TMCC1: variants seen among roughly 807,000 people sequenced by gnomAD.
The protein encoded by TMCC1 is transmembrane and coiled-coil domain family 1.
In TMCC1, 15 loss-of-function variants were observed where a neutral mutation model predicts 52.4. That is an observed-to-expected ratio of 0.29 (90% CI 0.19 to 0.44). The LOEUF is 0.44. Among genes scored for constraint, TMCC1 ranks in the 20% least tolerant of loss-of-function variants. The probability of loss-of-function intolerance (pLI) is 1.00; values close to 1 mark genes in which losing one functional copy is unlikely to be tolerated. For synonymous variants in TMCC1, 279 were observed against 301.9 expected (o/e 0.92, Z 0.79); for missense variants, 503 against 806.0 (o/e 0.62, Z 4.55).
At chr3:129,721,825 G>A (rs1024123954) in intron 4 of TMCC1, among the ~76,000 whole-genome samples, 8 of 152,018 alleles carry the variant, frequency 5.3e-5, no homozygotes, top group Non-Finnish European at 8.8e-5. Flanking sequence ...GCAGTGAGCC[G>A]AGATGGCGCC....
At chr3:129,834,742 G>A (rs376053645) in intron 2 of TMCC1, among the ~76,000 whole-genome samples, 20 of 152,130 alleles carry the variant, frequency 1.3e-4, no homozygotes, top group East Asian at 5.8e-4. Flanking sequence ...AGGAATGAGC[G>A]CACAAAGTAC....
chr3:129,747,385 C>A (rs1308917486), intron 4 of TMCC1, among the ~76,000 whole-genome samples: 1 of 152,162 alleles, frequency 6.6e-6, no homozygotes, highest in Non-Finnish European at 1.5e-5. Context: ...GGAGTATATA[C>A]ATAATATTTG....
In TMCC1 at chr3:129,671,140, A is replaced by G. The variant is rs1213224501; in HGVS notation, c.701T>C (p.Ile234Thr). ...CAGGATCTTCTGCTGCAGGTGAGCAATGGCAGCCTTTGTGCGCTGAGGGTC... is the reference window on the plus strand; with the variant it reads ...CAGGATCTTCTGCTGCAGGTGAGCAGTGGCAGCCTTTGTGCGCTGAGGGTC... The part of the protein sequence containing the change: ...TPDPQRTKAA[I>T]AHLQQKILKL... Residue 234 changes from isoleucine (I) to threonine (T), a missense_variant, in exon 5 of 7, where the codon ATT becomes ACT. Ile to Thr is a moderately conservative substitution (Grantham distance 89). Around this residue, in one of 7 missense-constraint regions of TMCC1, gnomAD observed 217 missense variants for 297.9 expected, o/e 0.73. Transcript: ENST00000393238. The G allele has an allele frequency of 6.2e-7, 1 of 1,614,134 alleles. No homozygotes were observed. The highest frequency in any genetic ancestry group is 8.5e-7 in the Non-Finnish European group (1 of 1,180,018).
chr3:129,736,331 G>A (rs2050958754), intron 4 of TMCC1, among the ~76,000 whole-genome samples: 1 of 152,164 alleles, frequency 6.6e-6, no homozygotes, highest in Admixed American at 6.5e-5. Flanking sequence ...CTACACTGTA[G>A]AGTCACTCAG....
chr3:129,828,522 CA>C lies in TMCC1; in HGVS notation c.-130-15del. The C allele has an allele frequency of 1.7e-6, 1 of 585,294 alleles. No individual in the cohort carries two copies. The highest frequency in any genetic ancestry group is 2.9e-6 in the Non-Finnish European group (1 of 350,018). The allele number at this position is 585,294 out of a possible 1,614,324, so 36.3% of individuals were successfully genotyped here. A position where few individuals can be genotyped will look rare whatever the true frequency, so the allele number is the denominator to read the frequency against. On this transcript the variant is annotated splice_polypyrimidine_tract_variant and intron_variant, in intron 3 of 6. Coordinates refer to ENST00000393238, the MANE Select transcript of TMCC1 (RefSeq NM_001017395.5). The surrounding 1 kb of genome is among the most constrained non-coding windows in gnomAD (Gnocchi z 4.1). ...CTTCATGCCTATCTAATGTTAAAAA[CA>C]AAAAAACAAAAAAACAAAAAAAAAA... is the stretch of plus-strand genomic sequence containing the variant.
chr3:129,670,932 G>A lies in TMCC1; in HGVS notation c.909C>T (p.His303=), dbSNP rs1440910459. The A allele has an allele frequency of 3.1e-6, 5 of 1,614,208 alleles. No homozygotes were observed. The highest frequency in any genetic ancestry group is 4.2e-6 in the Non-Finnish European group (5 of 1,180,038). Residue 303 remains histidine (H), a synonymous_variant, in exon 5 of 7, where the codon CAC becomes CAT. Transcript: ENST00000393238. ...LQLQKKLEHY[H]RKLREVEQNG... ...TCTGCTCTACCTCTCTGAGCTTCCT[G>A]TGGTAGTGCTCAAGTTTCTTTTGCA...
In TMCC1 at chr3:129,651,739, C is replaced by T; in HGVS notation, c.1704G>A (p.Gln568=). ...GCCCTTCTAGCTGCACCACCTGCTGCTGCTGCTGCTGCAGCTCCATCTTGG... is the reference window on the plus strand; with the variant it reads ...GCCCTTCTAGCTGCACCACCTGCTGTTGCTGCTGCTGCAGCTCCATCTTGG... ...RISKMELQQQ[Q]QQVVQLEGLE... Residue 568 remains glutamine (Q), a synonymous_variant, in exon 7 of 7, where the codon CAG becomes CAA. Transcript: ENST00000393238. The surrounding 1 kb of genome is among the most constrained non-coding windows in gnomAD (Gnocchi z 5.1). The T allele has an allele frequency of 6.2e-7, 1 of 1,614,154 alleles. No homozygotes were observed. Among genetic ancestry groups the T allele is most frequent in the Non-Finnish European group, 8.5e-7 (1 of 1,179,998 alleles).
chr3:129,846,775 T>C (rs2059682965), intron 2 of TMCC1, among the ~76,000 whole-genome samples: 1 of 143,482 alleles, frequency 7.0e-6, no homozygotes. Flanking sequence ...AAGCCCATAA[T>C]CCCAGCACTT....
At chr3:129,865,584 T>C (rs565755988) in intron 2 of TMCC1, among the ~76,000 whole-genome samples, 1 of 152,214 alleles carries the variant, frequency 6.6e-6, no homozygotes, top group East Asian at 1.9e-4. Flanking sequence ...GAGCAGAAAA[T>C]TGATCTTATT....
chr3:129,742,135 TG>T lies in TMCC1; in HGVS notation c.577-70872del, dbSNP rs1370050214. On this transcript the variant is annotated intron_variant, in intron 4 of 6. Coordinates refer to ENST00000393238, the MANE Select transcript of TMCC1 (RefSeq NM_001017395.5). ...TGTGACCTTGAATAGTCAATGAGTCTGTTTGTGTTTTTTTCCTGGTCCTTGA... is the reference window on the plus strand; with the variant it reads ...TGTGACCTTGAATAGTCAATGAGTCTTTTGTGTTTTTTTCCTGGTCCTTGA... 2.0e-5 allele frequency among the ~76,000 whole-genome samples: 3 copies of T among 152,284 alleles called. No individual in the cohort carries two copies. In the East Asian group the frequency reaches 5.8e-4, roughly 29 times the overall value.
intron 4 of TMCC1, chr3:129,688,666 A>G (rs2089588934): frequency 3.0e-6 from 3 of 985,358 alleles, no homozygotes; most frequent in Admixed American, 6.1e-5. Context: ...ATAAACAGAA[A>G]GCTTCTGCCA....
chr3:129,747,625 A>G (rs1297539367), intron 4 of TMCC1, among the ~76,000 whole-genome samples: 1 of 152,020 alleles, frequency 6.6e-6, no homozygotes, highest in African/African-American at 2.4e-5. Context: ...CTCTCCTTCC[A>G]TATGTAACCA....
At chr3:129,733,863 T>A (rs2050731995) in intron 4 of TMCC1, among the ~76,000 whole-genome samples, 1 of 152,156 alleles carries the variant, frequency 6.6e-6, no homozygotes. Context: ...AGAAAGAAAC[T>A]GTGTAGATAG....
At chr3:129,761,096 C>A (rs967916633) in intron 4 of TMCC1, among the ~76,000 whole-genome samples, 2 of 151,730 alleles carry the variant, frequency 1.3e-5, no homozygotes, top group South Asian at 4.2e-4. Flanking sequence ...GAGGTCGAGG[C>A]GGGCGGATCA....
At chr3:129,806,523 C>T (rs1264413689) in intron 4 of TMCC1, among the ~76,000 whole-genome samples, 1 of 152,178 alleles carries the variant, frequency 6.6e-6, no homozygotes, top group Non-Finnish European at 1.5e-5. Flanking sequence ...AAGGGCCTTG[C>T]AATAAACTAG....
At chr3:129,654,484 T>A (rs2086549253) in intron 6 of TMCC1, among the ~76,000 whole-genome samples, 1 of 152,084 alleles carries the variant, frequency 6.6e-6, no homozygotes, top group South Asian at 2.1e-4. Flanking sequence ...TAAGAAAAAA[T>A]TAAATATTCT....
chr3:129,697,866 A>ATATCAC (rs2047528721), intron 4 of TMCC1, among the ~76,000 whole-genome samples: 1 of 152,150 alleles, frequency 6.6e-6, no homozygotes, highest in Non-Finnish European at 1.5e-5. Context: ...TTTATTGTCC[A>ATATCAC]TATCACTATC....
intron 4 of TMCC1, among the ~76,000 whole-genome samples, chr3:129,821,993 G>T (rs56338922): frequency 0.049 from 7,480 of 152,224 alleles, 283 homozygotes; most frequent in Non-Finnish European, 0.073. Flanking sequence ...AGCCTGGGAA[G>T]TCGAGGCTGC....
chr3:129,794,448 T>C (rs2056684368), intron 4 of TMCC1: 2 of 452,724 alleles, frequency 4.4e-6, no homozygotes. Context: ...GCAGAACATT[T>C]TGAAGACTGC....
Sources: allele counts gnomAD v4.1 joint callset (sites outside exome capture counted in the v4.1 genomes callset), GRCh38; gene constraint gnomAD v4.1.1; regional missense constraint gnomAD v4.1.1; non-coding constraint Gnocchi (gnomAD v3.1); transcripts MANE v1.5; gene names NCBI Gene and HGNC (gene_info 2026-07-23, HGNC 2026-07-21).